Variants in TEDC2 observed in about 807,000 individuals in gnomAD.
TEDC2 encodes the protein tubulin epsilon and delta complex protein 2.
TEDC2 carries 49 observed loss-of-function variants against 48.1 expected under a neutral mutation model. That is an observed-to-expected ratio of 1.02 (90% confidence interval 0.81 to 1.29). The LOEUF is 1.29. Among genes scored for constraint, TEDC2 ranks in the 50% most tolerant of loss-of-function variants. The pLI, the probability that TEDC2 is intolerant of heterozygous loss-of-function variation, is 0.00. For synonymous variants in TEDC2, 299 were observed against 247.1 expected (o/e 1.21, Z -1.97); for missense variants, 631 against 571.4 (o/e 1.10, Z -1.06).
At chr16:2,461,453 G>A in intron 4 of TEDC2, 1 of 670,616 alleles carries the variant, frequency 1.5e-6, no homozygotes, top group Non-Finnish European at 2.4e-6. Flanking sequence ...TCTCTTCTCT[G>A]TGGCTGTCCC....
chr16:2,462,265 C>A, intron 6 of TEDC2, 26 bp downstream of exon 6: 1 of 1,611,750 alleles, frequency 6.2e-7, no homozygotes, highest in South Asian at 1.1e-5. Flanking sequence ...TTGTGGGAGC[C>A]CTGGGGGCCT....
chr16:2,461,310 C>G (rs185271747), intron 4 of TEDC2, 86 bp downstream of exon 4: 3 of 1,395,894 alleles, frequency 2.1e-6, no homozygotes, highest in Non-Finnish European at 2.8e-6. Context: ...TTTGGGGTGA[C>G]AGGGAAGGCA....
At position 2,461,204 on chromosome 16, in the gene TEDC2, C is replaced by T. The variant is rs1161876888; in HGVS notation, c.585C>T (p.Ala195=). 1.3e-6 allele frequency: 2 copies of T among 1,489,060 alleles called. No individual in the cohort carries two copies. Among genetic ancestry groups the T allele is most frequent in the Non-Finnish European group, 1.8e-6 (2 of 1,119,842 alleles). 92.2% of individuals were successfully genotyped at this position (1,489,060 alleles called of 1,614,324 possible). ...CCGCTGCTCCTCAGGCCCCAGAAGC[C>T]TTCACACTCAAGGAGAAGGGGTAGG... is the stretch of plus-strand genomic sequence containing the variant. ...APSAAPQAPE[A]FTLKEKGHLL... The change falls in exon 4 of 10, where the codon GCC becomes GCT. Residue 195 remains alanine, a synonymous_variant. Coordinates refer to ENST00000361837, the MANE Select transcript of TEDC2 (RefSeq NM_025108.3).
rs1422658226 is a variant in TEDC2 at position 2,462,391 on chromosome 16, G to A, written c.751-24G>A. 4 of 1,611,244 alleles carry A rather than the reference G, an allele frequency of 2.5e-6. No homozygotes were observed. The East Asian group carries it at 6.7e-5, about 27-fold the overall frequency. ...GGAGCAGAGGGGCTTTGGCTGCAGG[G>A]AAGTTTTCCTGACCCATATCCAGTC... On this transcript the variant is annotated intron_variant, in intron 6 of 9. Transcript: ENST00000361837.
chr16:2,461,496 C>G, intron 4 of TEDC2: 1 of 638,528 alleles, frequency 1.6e-6, no homozygotes, highest in East Asian at 2.8e-5. Flanking sequence ...TCCAGATGGG[C>G]TCTGGAGGGC....
chr16:2,461,513 T>C, intron 4 of TEDC2: 1 of 638,872 alleles, frequency 1.6e-6, no homozygotes, highest in African/African-American at 1.8e-5. Context: ...GGGCGTGGGA[T>C]CTGCTCACAG....
At chr16:2,461,854 C>T (rs1379888376) in intron 5 of TEDC2, 54 bp downstream of exon 5, 2 of 1,597,500 alleles carry the variant, frequency 1.3e-6, no homozygotes, top group Non-Finnish European at 1.7e-6. Context: ...GGAGGCATCA[C>T]CAGCTCGGGG....
Position 2,464,788 on chromosome 16 carries a change from G to T in TEDC2, c.*120G>T, listed in dbSNP as rs546936124. 7.2e-7 allele frequency: 1 copy of T among 1,396,318 alleles called. No individual in the cohort carries two copies. The highest frequency in any genetic ancestry group is 1.4e-5 in the African/African-American group (1 of 70,160). 86.5% of individuals were successfully genotyped at this position (1,396,318 alleles called of 1,614,324 possible). A position where few individuals can be genotyped will look rare whatever the true frequency, so the allele number is the denominator to read the frequency against. On this transcript the variant is annotated 3_prime_UTR_variant, in exon 10 of 10. Transcript: ENST00000361837. The stretch of plus-strand genomic sequence containing the variant: ...TGGGAAACCTGGTGAACTGGACCAG[G>T]TGGCCTCACTGGCTCTTCTCAGGAC...
rs767384204 is a variant in TEDC2 at position 2,460,233 on chromosome 16, C to T, written c.27-50C>T. On this transcript the variant is annotated intron_variant, in intron 1 of 9. Coordinates refer to ENST00000361837, the MANE Select transcript of TEDC2 (RefSeq NM_025108.3). ...GGCGGGCCGGTAGCCAGGCGCGGGG[C>T]CCGAGGCCCGACGCTGGCCGAGGTG... 9 of 1,480,942 alleles carry T rather than the reference C, an allele frequency of 6.1e-6. No homozygotes were observed. The East Asian group carries it at 8.5e-5, about 14-fold the overall frequency. The allele number at this position is 1,480,942 out of a possible 1,614,324, so 91.7% of individuals were successfully genotyped here.
chr16:2,460,256 G>A, intron 1 of TEDC2, 27 bp from the exon 2 acceptor site: 2 of 1,513,938 alleles, frequency 1.3e-6, no homozygotes, highest in Non-Finnish European at 1.8e-6. Flanking sequence ...GCTGGCCGAG[G>A]TGCTGAGCCG....
intron 8 of TEDC2, among the ~76,000 whole-genome samples, chr16:2,462,988 T>C (rs1270526324): frequency 6.6e-6 from 1 of 152,216 alleles, no homozygotes; most frequent in Non-Finnish European, 1.5e-5. Flanking sequence ...CAGAACCTCA[T>C]TGCTCTGAGC....
Position 2,462,517 on chromosome 16 carries a change from C to T in TEDC2, c.853C>T (p.Leu285Phe). 6.2e-7 allele frequency: 1 copy of T among 1,600,676 alleles called. No homozygotes were observed. The highest frequency in any genetic ancestry group is 1.1e-5 in the South Asian group (1 of 89,576). The change falls in exon 7 of 10, where the codon CTC becomes TTC. Residue 285 changes from leucine to phenylalanine, a missense_variant. Physicochemically the swap from Leu to Phe is conservative, Grantham distance 22. Coordinates refer to ENST00000361837, the MANE Select transcript of TEDC2 (RefSeq NM_025108.3). Reference protein sequence around the residue: ...SLLRLRMREELSAAPMDWMQE... With the variant: ...SLLRLRMREEFSAAPMDWMQE... ...GCTGAGACTGCGCATGAGGGAGGAG[C>T]TCTCGGCAGGTCAGTGGGTCCTGGG...
chr16:2,462,012 C>G, intron 5 of TEDC2, 137 bp from the exon 6 acceptor site: 1 of 1,104,172 alleles, frequency 9.1e-7, no homozygotes. Flanking sequence ...GGAGGCCCCT[C>G]CTGGCATTCA....
At chr16:2,461,866 C>T in intron 5 of TEDC2, 66 bp downstream of exon 5, 1 of 1,577,316 alleles carries the variant, frequency 6.3e-7, no homozygotes, top group Non-Finnish European at 8.7e-7. Flanking sequence ...AGCTCGGGGA[C>T]AGGTTCGAGA....
At position 2,461,900 on chromosome 16, in the gene TEDC2, C is replaced by T. The variant is rs1050725367; in HGVS notation, c.659+100C>T. 4 of 1,446,412 alleles carry T rather than the reference C, an allele frequency of 2.8e-6. No individual in the cohort carries two copies. In the African/African-American group the frequency reaches 4.2e-5, roughly 15 times the overall value. 89.6% of individuals were successfully genotyped at this position (1,446,412 alleles called of 1,614,324 possible). ...GATACTTTCCAGTGGGTCTCTTTGTCCTCTTTGCTGAGTGGGATCACTGTC... is the reference window on the plus strand; with the variant it reads ...GATACTTTCCAGTGGGTCTCTTTGTTCTCTTTGCTGAGTGGGATCACTGTC... On this transcript the variant is annotated intron_variant, in intron 5 of 9. Coordinates refer to ENST00000361837, the MANE Select transcript of TEDC2 (RefSeq NM_025108.3).
chr16:2,461,548 T>G, intron 4 of TEDC2, 199 bp from the exon 5 acceptor site: 1 of 667,572 alleles, frequency 1.5e-6, no homozygotes, highest in Non-Finnish European at 2.5e-6. Context: ...GGCCCCCTCT[T>G]CTCTCTAATG....
At chr16:2,464,455 C>T (rs1407353208) in intron 9 of TEDC2, 67 bp from the exon 10 acceptor site, 3 of 1,469,622 alleles carry the variant, frequency 2.0e-6, no homozygotes, top group Non-Finnish European at 2.7e-6. Flanking sequence ...GGCCTCGAAG[C>T]CTGTCCCAGG....
chr16:2,462,591 C>G, intron 7 of TEDC2, 40 bp from the exon 8 acceptor site: 1 of 1,538,962 alleles, frequency 6.5e-7, no homozygotes, highest in African/African-American at 1.4e-5. Flanking sequence ...GGTTTCCAGA[C>G]TGCCACGGGC....
In TEDC2 at chr16:2,461,510, G is replaced by A. The variant is rs2065466495; in HGVS notation, c.606-237G>A. The A allele has an allele frequency of 6.3e-6, 4 of 636,870 alleles. No homozygotes were observed. In the South Asian group the frequency reaches 8.2e-5, roughly 13 times the overall value. 39.5% of individuals were successfully genotyped at this position (636,870 alleles called of 1,614,324 possible). On this transcript the variant is annotated intron_variant, in intron 4 of 9. Transcript: ENST00000361837. ...CTCCAGATGGGCTCTGGAGGGCGTG[G>A]GATCTGCTCACAGGGCCCCGCTCAC...
Sources: allele counts gnomAD v4.1 joint callset (sites outside exome capture counted in the v4.1 genomes callset), GRCh38; gene constraint gnomAD v4.1.1; transcripts MANE v1.5; gene names NCBI Gene and HGNC (gene_info 2026-07-23, HGNC 2026-07-21).